Variants in SEM1 observed in about 807,000 individuals in gnomAD.
SEM1 encodes SEM1 26S proteasome subunit.
A neutral mutation model predicts 12.7 loss-of-function variants in SEM1; 3 were observed. The observed-to-expected ratio is 0.24, with a 90% CI of 0.11 to 0.61. The LOEUF (loss-of-function observed/expected upper bound fraction) is 0.61, where lower values mean the gene tolerates loss of function less well. SEM1 is among the 20% of genes least tolerant of loss of function. SEM1 has a pLI of 0.88. For missense variants in SEM1, 59 were observed against 81.3 expected, an observed-to-expected ratio of 0.73 and a Z score of 1.06; for synonymous variants, 30 against 27.8, an observed-to-expected ratio of 1.08 and a Z score of -0.25.
chr7:96,689,082 C>A lies in SEM1; in HGVS notation c.171-116G>T. On this transcript the variant is annotated intron_variant, in intron 2 of 2. Coordinates refer to ENST00000248566, the MANE Select transcript of SEM1 (RefSeq NM_006304.2). ...ATGCCTGAGACATCAATTTACAATACCACTGAATAGTTTTACTTTTGTCTC... is the reference window on the plus strand; with the variant it reads ...ATGCCTGAGACATCAATTTACAATAACACTGAATAGTTTTACTTTTGTCTC... 6 of 579,572 alleles carry A rather than the reference C, an allele frequency of 1.0e-5. No homozygotes were observed. In the South Asian group the frequency reaches 1.6e-4, roughly 15 times the overall value. 35.9% of individuals were successfully genotyped at this position (579,572 alleles called of 1,614,324 possible). A position where few individuals can be genotyped will look rare whatever the true frequency, so the allele number is the denominator to read the frequency against.
chr7:96,692,200 T>C, intron 2 of SEM1, among the ~76,000 whole-genome samples: 1 of 152,190 alleles, frequency 6.6e-6, no homozygotes, highest in East Asian at 1.9e-4. Flanking sequence ...TAATTATCAA[T>C]ACATTTACTA....
rs541873560 is a variant in SEM1, at chr7:96,663,562, G to A, written c.170+31236C>T. Among the ~76,000 whole-genome samples, 3 of 152,312 alleles carry A rather than the reference G, an allele frequency of 2.0e-5. No homozygotes were observed. In the South Asian group the frequency reaches 6.2e-4, roughly 32 times the overall value. On this transcript the variant is annotated intron_variant, in intron 2 of 2. Transcript: ENST00000417009. ...GAGCCTCTGCCTGCAGTGCCACACTGAGAAAGCCCTGGGCAGGCTTCAGTA... is the reference window on the plus strand; with the variant it reads ...GAGCCTCTGCCTGCAGTGCCACACTAAGAAAGCCCTGGGCAGGCTTCAGTA...
At chr7:96,593,318 A>G (rs1458330193) in intron 2 of SEM1, among the ~76,000 whole-genome samples, 1 of 152,198 alleles carries the variant, frequency 6.6e-6, no homozygotes, top group African/African-American at 2.4e-5. Context: ...CATACCCTAC[A>G]TTTCTTAGGG....
chr7:96,687,847 G>A (rs1011094504), downstream of SEM1: 1 of 151,928 alleles, frequency 6.6e-6, no homozygotes, highest in Non-Finnish European at 1.5e-5. Flanking sequence ...ACTTTCCAAA[G>A]TTCTTTGGTG....
exon 2 of SEM1, chr7:96,486,409 G>T: frequency 1.3e-6 from 2 of 1,536,876 alleles, no homozygotes; most frequent in South Asian, 1.2e-5. Flanking sequence ...CAGCACAAAT[G>T]TTGGAGTCCT....
At chr7:96,592,425 G>C (rs753466135) in intron 2 of SEM1, among the ~76,000 whole-genome samples, 3 of 151,928 alleles carry the variant, frequency 2.0e-5, no homozygotes, top group Non-Finnish European at 4.4e-5. Flanking sequence ...CATCTATTAG[G>C]CTAAATGACA....
intron 1 of SEM1, among the ~76,000 whole-genome samples, chr7:96,486,761 G>A (rs563728466): frequency 2.6e-5 from 4 of 152,284 alleles, no homozygotes; most frequent in Admixed American, 2.0e-4. Flanking sequence ...GAGGCAACTT[G>A]CAAATCCAAA....
intron 1 of SEM1, chr7:96,708,212 G>A (rs150919159): frequency 2.0e-5 from 3 of 152,230 alleles, no homozygotes; most frequent in South Asian, 2.1e-4. Context: ...ACTTGAAAGC[G>A]AGCTAAAGAA....
intron 2 of SEM1, among the ~76,000 whole-genome samples, chr7:96,558,408 G>C (rs182768222): frequency 1.3e-5 from 2 of 152,192 alleles, no homozygotes; most frequent in African/African-American, 4.8e-5. Context: ...AAGATTCCGA[G>C]GGAGTCCAAA....
chr7:96,513,737 G>A (rs1267804563), intron 2 of SEM1, among the ~76,000 whole-genome samples: 1 of 152,098 alleles, frequency 6.6e-6, no homozygotes, highest in Non-Finnish European at 1.5e-5. Context: ...GCTGAGGCAG[G>A]AGAATCACTT....
chr7:96,579,523 A>G (rs1466125742), intron 2 of SEM1, among the ~76,000 whole-genome samples: 4 of 152,202 alleles, frequency 2.6e-5, no homozygotes, highest in African/African-American at 9.6e-5. Context: ...CAGATTTACA[A>G]AGAGGAAAGG....
At position 96,564,987 on chromosome 7, in the gene SEM1, T is replaced by A. The variant is rs79098918; in HGVS notation, c.171-58289A>T. The stretch of plus-strand genomic sequence containing the variant: ...AGCAGAAGAAAAAAATTAGTGATAT[T>A]CTCACTACTTACTTAAATTTTGATG... On this transcript the variant is annotated intron_variant and NMD_transcript_variant, in intron 2 of 3. Coordinates refer to the SEM1 transcript ENST00000466986. Among the ~76,000 whole-genome samples, 305 of 152,054 alleles carry A rather than the reference T, an allele frequency of 2.0e-3. 1 individual carries two copies. The highest frequency in any genetic ancestry group is 7.2e-3 in the African/African-American group (301 of 41,530).
chr7:96,565,451 A>G (rs1037590155), intron 2 of SEM1, among the ~76,000 whole-genome samples: 1 of 151,870 alleles, frequency 6.6e-6, no homozygotes, highest in African/African-American at 2.4e-5. Flanking sequence ...TAGTAAGTGG[A>G]TTCTGTGATT....
At chr7:96,669,332 TACTC>T (rs1375311360), downstream of SEM1, among the ~76,000 whole-genome samples, 8 of 152,238 alleles carry the variant, frequency 5.3e-5, no homozygotes, top group Non-Finnish European at 1.0e-4. Context: ...CTGTCATAAA[TACTC>T]AATTCTGCTG....
intron 2 of SEM1, among the ~76,000 whole-genome samples, chr7:96,527,325 G>A (rs935818933): frequency 6.6e-6 from 1 of 152,016 alleles, no homozygotes; most frequent in Non-Finnish European, 1.5e-5. Flanking sequence ...AATATTCTGC[G>A]GCAAAGGCCC....
chr7:96,528,400 C>T (rs952351106), intron 2 of SEM1, among the ~76,000 whole-genome samples: 2 of 152,090 alleles, frequency 1.3e-5, no homozygotes, highest in Non-Finnish European at 2.9e-5. Context: ...CCATGTTGCC[C>T]AGGCTGGCCT....
chr7:96,629,486 T>C (rs1808179102), intron 2 of SEM1, among the ~76,000 whole-genome samples: 1 of 152,040 alleles, frequency 6.6e-6, no homozygotes, highest in South Asian at 2.1e-4. Flanking sequence ...TTATTCATTT[T>C]AGTTATTTCA....
At chr7:96,604,129 C>T (rs1807273754) in intron 2 of SEM1, among the ~76,000 whole-genome samples, 1 of 152,144 alleles carries the variant, frequency 6.6e-6, no homozygotes, top group African/African-American at 2.4e-5. Flanking sequence ...AGCATGAATA[C>T]ATGCATGAGA....
intron 2 of SEM1, among the ~76,000 whole-genome samples, chr7:96,636,720 G>GT (rs1808438937): frequency 6.6e-6 from 1 of 152,022 alleles, no homozygotes; most frequent in South Asian, 2.1e-4. Context: ...TTAGGGAAGG[G>GT]TTAGCTCTGA....
Sources: allele counts gnomAD v4.1 joint callset (sites outside exome capture counted in the v4.1 genomes callset), GRCh38; gene constraint gnomAD v4.1.1; transcripts MANE v1.5; gene names NCBI Gene and HGNC (gene_info 2026-07-23, HGNC 2026-07-21).